HPSE2: variants seen among roughly 807,000 people sequenced by gnomAD.
HPSE2 encodes the protein inactive heparanase-2.
A neutral mutation model predicts 60.5 loss-of-function variants in HPSE2; 38 were observed. The observed-to-expected ratio is 0.63, with a 90% CI of 0.48 to 0.82. The LOEUF (loss-of-function observed/expected upper bound fraction) is 0.82, where lower values mean the gene tolerates loss of function less well. Ranked by LOEUF, HPSE2 falls within the 40% of genes least tolerant of loss-of-function variation. HPSE2 has a pLI of 0.00. For synonymous variants in HPSE2, 295 were observed against 293.2 expected (o/e 1.01, Z -0.06); for missense variants, 713 against 740.4 (o/e 0.96, Z 0.43).
intron 3 of HPSE2, among the ~76,000 whole-genome samples, chr10:98,914,173 G>A (rs1390109219): frequency 1.3e-5 from 2 of 152,156 alleles, no homozygotes; most frequent in Non-Finnish European, 2.9e-5. Flanking sequence ...TCTTGTGATA[G>A]TGAATGGGTC....
At chr10:98,498,648 A>C (rs984727748) in intron 9 of HPSE2, among the ~76,000 whole-genome samples, 7 of 152,260 alleles carry the variant, frequency 4.6e-5, no homozygotes, top group Non-Finnish European at 1.0e-4. Context: ...AACCAAGAAG[A>C]AATCCCTGAT....
rs1043685232 is a variant in HPSE2 at position 99,036,325 on chromosome 10, T to C, written c.610+107913A>G. 2.0e-5 allele frequency among the ~76,000 whole-genome samples: 3 copies of C among 152,178 alleles called. No individual in the cohort carries two copies. In the East Asian group the frequency reaches 5.8e-4, roughly 29 times the overall value. ...TCCAAGGAAATCAAGATGGGGAAAA[T>C]ATAGATGAGCCTGGAGCATCTTGTG... On this transcript the variant is annotated intron_variant, in intron 3 of 11. Coordinates refer to ENST00000370552, the MANE Select transcript of HPSE2 (RefSeq NM_021828.5).
chr10:98,480,396 T>C lies in HPSE2; in HGVS notation c.1613+2240A>G, dbSNP rs543303696. On this transcript the variant is annotated intron_variant, in intron 11 of 11. Coordinates refer to ENST00000370552, the MANE Select transcript of HPSE2 (RefSeq NM_021828.5). Reference sequence around the variant, plus strand: ...ACTGTGCCTGGCTGGTTTCCTACATTCTTAACAAAGTTGTAACACAACTCC... The same window carrying C: ...ACTGTGCCTGGCTGGTTTCCTACATCCTTAACAAAGTTGTAACACAACTCC... Among the ~76,000 whole-genome samples the C allele has an allele frequency of 9.2e-5, 14 of 152,298 alleles. No homozygotes were observed. The South Asian group carries it at 2.9e-3, about 32-fold the overall frequency.
intron 9 of HPSE2, among the ~76,000 whole-genome samples, chr10:98,506,457 T>G (rs1033545050): frequency 1.1e-4 from 17 of 152,164 alleles, no homozygotes; most frequent in African/African-American, 3.4e-4. Flanking sequence ...TTCTTTCTTT[T>G]TTTTTGAGAC....
chr10:99,139,668 T>C (rs1414361882), intron 3 of HPSE2, among the ~76,000 whole-genome samples: 1 of 152,180 alleles, frequency 6.6e-6, no homozygotes. Context: ...GGCTAGTCTA[T>C]AAATTTTTAT....
chr10:98,472,188 A>G (rs1940806061), intron 11 of HPSE2, among the ~76,000 whole-genome samples: 1 of 151,596 alleles, frequency 6.6e-6, no homozygotes, highest in Non-Finnish European at 1.5e-5. Context: ...AAGTATTTTT[A>G]TAAATATATA....
At chr10:98,471,278 A>C (rs1940769873) in intron 11 of HPSE2, among the ~76,000 whole-genome samples, 1 of 152,176 alleles carries the variant, frequency 6.6e-6, no homozygotes, top group Non-Finnish European at 1.5e-5. Flanking sequence ...GGGGAGCTTT[A>C]ACAAATACTG....
the HPSE2 span, among the ~76,000 whole-genome samples, chr10:99,245,457 T>G: frequency 2.0e-5 from 3 of 152,248 alleles, no homozygotes; most frequent in Admixed American, 6.5e-5. Context: ...ATTCTACACC[T>G]AATTTAGAAA....
chr10:98,666,370 T>C (rs946919434), intron 6 of HPSE2, among the ~76,000 whole-genome samples: 3 of 152,106 alleles, frequency 2.0e-5, no homozygotes, highest in Admixed American at 1.3e-4. Context: ...TGTTAGATCA[T>C]TGAGGCAGGA....
intron 9 of HPSE2, among the ~76,000 whole-genome samples, chr10:98,554,297 G>T (rs1026159415): frequency 3.3e-5 from 5 of 152,110 alleles, no homozygotes; most frequent in African/African-American, 7.2e-5. Context: ...ATTTGCCTAA[G>T]CCCGGAATTC....
At chr10:99,102,715 A>T (rs1162691614) in intron 3 of HPSE2, among the ~76,000 whole-genome samples, 3 of 152,060 alleles carry the variant, frequency 2.0e-5, no homozygotes, top group Non-Finnish European at 4.4e-5. Flanking sequence ...CTGATGAACA[A>T]CGATGCAAAA....
At chr10:98,483,017 T>A (rs1213093455) in intron 10 of HPSE2, among the ~76,000 whole-genome samples, 1 of 152,212 alleles carries the variant, frequency 6.6e-6, no homozygotes, top group Non-Finnish European at 1.5e-5. Flanking sequence ...GCAATGATTT[T>A]AGAAAATATA....
chr10:99,291,318 G>T, the HPSE2 span, among the ~76,000 whole-genome samples: 1 of 152,164 alleles, frequency 6.6e-6, no homozygotes, highest in South Asian at 2.1e-4. Flanking sequence ...AGATGCGGTG[G>T]CTCACGCCTG....
chr10:98,939,209 T>C (rs1954909752), intron 3 of HPSE2, among the ~76,000 whole-genome samples: 1 of 143,774 alleles, frequency 7.0e-6, no homozygotes, highest in African/African-American at 2.8e-5. Context: ...AACATCATAA[T>C]GACAGGATAA....
upstream of HPSE2, among the ~76,000 whole-genome samples, chr10:99,239,143 G>A (rs375317426): frequency 3.3e-5 from 5 of 151,940 alleles, no homozygotes; most frequent in East Asian, 5.8e-4. Context: ...TGGGTGACAA[G>A]AGCAAGACTC....
intron 3 of HPSE2, among the ~76,000 whole-genome samples, chr10:99,121,737 T>C (rs1844961519): frequency 6.6e-6 from 1 of 152,146 alleles, no homozygotes; most frequent in Non-Finnish European, 1.5e-5. Flanking sequence ...AGGACATTTA[T>C]AAAAGTCCCT....
chr10:98,518,843 T>C (rs541561199), intron 9 of HPSE2, among the ~76,000 whole-genome samples: 8 of 152,226 alleles, frequency 5.3e-5, no homozygotes, highest in Non-Finnish European at 1.2e-4. Flanking sequence ...GCTGATGTTA[T>C]ATTAATAATC....
intron 3 of HPSE2, among the ~76,000 whole-genome samples, chr10:99,051,926 T>C (rs1029740748): frequency 1.3e-5 from 2 of 151,198 alleles, no homozygotes; most frequent in Non-Finnish European, 2.9e-5. Context: ...GATCAGCCAA[T>C]AACTATGCTG....
At chr10:99,229,173 G>GAAA (rs200136057) in intron 2 of HPSE2, among the ~76,000 whole-genome samples, 2 of 137,188 alleles carry the variant, frequency 1.5e-5, no homozygotes, top group African/African-American at 5.7e-5. Flanking sequence ...ACTCCATATC[G>GAAA]AAAAAAAAAA....
Sources: gnomAD v4.1 joint callset for allele counts (sites outside exome capture counted in the v4.1 genomes callset) on GRCh38, gnomAD v4.1.1 for gene constraint, MANE v1.5 for transcripts, NCBI Gene and HGNC (gene_info 2026-07-23, HGNC 2026-07-21) for gene names.